Variants in MAPK10 observed in about 807,000 individuals in gnomAD.
MAPK10 encodes JNK3 alpha protein kinase.
MAPK10 carries 25 observed loss-of-function variants against 59.3 expected under a neutral mutation model. That is an observed-to-expected ratio of 0.42 (90% CI 0.31 to 0.59). The LOEUF is 0.59. MAPK10 is among the 20% of genes least tolerant of loss of function. The pLI is 0.15. For synonymous variants in MAPK10, 190 were observed against 200.5 expected, an observed-to-expected ratio of 0.95 and a Z score of 0.44; for missense variants, 351 against 568.9, an observed-to-expected ratio of 0.62 and a Z score of 3.90.
intron 13 of MAPK10, among the ~76,000 whole-genome samples, chr4:86,022,498 GCTTT>G (rs1028973472): frequency 6.7e-6 from 1 of 149,494 alleles, no homozygotes; most frequent in Non-Finnish European, 1.5e-5. Flanking sequence ...TTTCTTTCTT[GCTTT>G]CTTTCTTCTT....
At chr4:86,101,703 C>T (rs1035506840) in intron 7 of MAPK10, among the ~76,000 whole-genome samples, 191 bp downstream of exon 7, 1 of 152,164 alleles carries the variant, frequency 6.6e-6, no homozygotes, top group Admixed American at 6.5e-5. Context: ...CAAAACATAA[C>T]ATTGAACAAA....
chr4:86,592,051 G>A (rs1385524686), intron 1 of MAPK10, among the ~76,000 whole-genome samples: 1 of 151,924 alleles, frequency 6.6e-6, no homozygotes, highest in Non-Finnish European at 1.5e-5. Context: ...TCCTCATAAT[G>A]TTTTCCTCCT....
At position 86,374,340 on chromosome 4, in the gene MAPK10, G is replaced by A. The variant is rs184964458; in HGVS notation, c.-121-19696C>T. 1.2e-4 allele frequency among the ~76,000 whole-genome samples: 19 copies of A among 152,206 alleles called. No homozygotes were observed. The East Asian group carries it at 3.3e-3, about 26-fold the overall frequency. On this transcript the variant is annotated intron_variant, in intron 1 of 13. Transcript: ENST00000361569. ...TTGATGGGTACAACAAACCTCCATG[G>A]CACATGTATACCTATGTAACAAACC...
At chr4:86,589,996 A>G (rs1762919513) in intron 1 of MAPK10, among the ~76,000 whole-genome samples, 1 of 151,982 alleles carries the variant, frequency 6.6e-6, no homozygotes, top group Admixed American at 6.6e-5. Context: ...AAAAAAAAAA[A>G]AAAGGGAATA....
rs894464673 is a variant in MAPK10 at position 86,331,350 on chromosome 4, C to T, written c.-7+23180G>A. On this transcript the variant is annotated intron_variant, in intron 2 of 13. Coordinates refer to ENST00000641462, the MANE Select transcript of MAPK10 (RefSeq NM_138982.4). Reference sequence around the variant, plus strand: ...ACATACATTTTCTCACTTAGTGGCACGCAGGCAAAACAGAACATAGGACCA... The same window carrying T: ...ACATACATTTTCTCACTTAGTGGCATGCAGGCAAAACAGAACATAGGACCA... Among the ~76,000 whole-genome samples the T allele has an allele frequency of 4.0e-4, 61 of 152,204 alleles. 1 individual carries two copies. The highest frequency in any genetic ancestry group is 1.1e-3 in the African/African-American group (46 of 41,546).
At chr4:86,307,073 C>G (rs2095582026) in intron 2 of MAPK10, among the ~76,000 whole-genome samples, 1 of 152,094 alleles carries the variant, frequency 6.6e-6, no homozygotes. Context: ...GGGTGATATA[C>G]TGGGGGAAAA....
At chr4:86,102,176 G>T in intron 6 of MAPK10, 144 bp from the exon 7 acceptor site, 2 of 696,736 alleles carry the variant, frequency 2.9e-6, no homozygotes, top group South Asian at 3.8e-5. Context: ...GCATTTCCAG[G>T]TATTGCATGT....
rs769498160 is a variant in MAPK10 at position 86,469,735 on chromosome 4, G to A, written c.-262-115091C>T. Among the ~76,000 whole-genome samples, 26 of 152,308 alleles carry A rather than the reference G, an allele frequency of 1.7e-4. No homozygotes were observed. In the Middle Eastern group the frequency reaches 0.014, roughly 80 times the overall value. On this transcript the variant is annotated intron_variant, in intron 1 of 4. Coordinates refer to the MAPK10 transcript ENST00000502302. ...GAGAAAGAAGCCATTCTTTCACCAG[G>A]ATGTGCCCAAAGAAACAAAAAGAAT...
chr4:86,356,058 C>G (rs1734302181), intron 1 of MAPK10, among the ~76,000 whole-genome samples: 1 of 152,112 alleles, frequency 6.6e-6, no homozygotes, highest in Non-Finnish European at 1.5e-5. Flanking sequence ...CACACACACA[C>G]ACACACACAC....
intron 2 of MAPK10, among the ~76,000 whole-genome samples, chr4:86,304,600 G>A (rs1273427737): frequency 6.6e-6 from 1 of 151,092 alleles, no homozygotes; most frequent in Non-Finnish European, 1.5e-5. Flanking sequence ...CACCGTGTTA[G>A]CCAAGATGGT....
chr4:86,069,283 T>C (rs1258451997), intron 9 of MAPK10, among the ~76,000 whole-genome samples: 7 of 152,204 alleles, frequency 4.6e-5, no homozygotes, highest in African/African-American at 1.7e-4. Context: ...TCTGGCTGAA[T>C]AAAACTTAAA....
At chr4:86,030,525 G>T (rs1003380584) in intron 12 of MAPK10, among the ~76,000 whole-genome samples, 12 of 151,724 alleles carry the variant, frequency 7.9e-5, no homozygotes, top group African/African-American at 2.9e-4. Context: ...CAGAGACAGG[G>T]TCTCCCTATG....
At chr4:86,188,237 A>G (rs1267865826) in intron 3 of MAPK10, among the ~76,000 whole-genome samples, 1 of 152,066 alleles carries the variant, frequency 6.6e-6, no homozygotes, top group East Asian at 1.9e-4. Flanking sequence ...TAGTTGAATG[A>G]TTAGAATCCT....
At chr4:86,166,925 A>G (rs2071948922) in intron 3 of MAPK10, among the ~76,000 whole-genome samples, 1 of 152,204 alleles carries the variant, frequency 6.6e-6, no homozygotes, top group African/African-American at 2.4e-5. Flanking sequence ...TTCAAAAATC[A>G]ATGAATCCAG....
intron 3 of MAPK10, among the ~76,000 whole-genome samples, chr4:86,170,127 C>T (rs1200057883): frequency 1.5e-4 from 23 of 152,010 alleles, no homozygotes; most frequent in Admixed American, 1.2e-3. Flanking sequence ...TAAAGACCAT[C>T]GAGACTAGGA....
At chr4:86,477,651 T>C (rs1753215990) in intron 1 of MAPK10, among the ~76,000 whole-genome samples, 1 of 152,192 alleles carries the variant, frequency 6.6e-6, no homozygotes, top group African/African-American at 2.4e-5. Context: ...TTTTAAAGCC[T>C]ATAAACTCTC....
At chr4:86,517,142 A>C (rs567573029) in intron 1 of MAPK10, among the ~76,000 whole-genome samples, 3 of 152,038 alleles carry the variant, frequency 2.0e-5, no homozygotes, top group Non-Finnish European at 2.9e-5. Flanking sequence ...ATTTTGTCAA[A>C]TGCTTTTTCT....
intron 1 of MAPK10, among the ~76,000 whole-genome samples, chr4:86,437,871 A>T (rs193212581): frequency 6.6e-6 from 1 of 152,222 alleles, no homozygotes; most frequent in Non-Finnish European, 1.5e-5. Flanking sequence ...ATGCATAAAT[A>T]AACTGTACTA....
chr4:86,195,368 A>T (rs546646658), intron 2 of MAPK10, among the ~76,000 whole-genome samples: 1 of 151,764 alleles, frequency 6.6e-6, no homozygotes, highest in South Asian at 2.1e-4. Context: ...CTATCAGTGC[A>T]AAATCCCTAA....
Sources: gnomAD v4.1 joint callset for allele counts (sites outside exome capture counted in the v4.1 genomes callset) on GRCh38, gnomAD v4.1.1 for gene constraint, MANE v1.5 for transcripts, NCBI Gene and HGNC (gene_info 2026-07-23, HGNC 2026-07-21) for gene names.